INSYN2A: variants seen among roughly 807,000 people sequenced by gnomAD.
The protein encoded by INSYN2A is inhibitory synaptic factor 2A, also known as family with sequence similarity 196 member A.
In INSYN2A, 17 loss-of-function variants were observed where a neutral mutation model predicts 39.4. The ratio of observed to expected loss-of-function variants is 0.43; its 90% confidence interval spans 0.30 to 0.65. The LOEUF (loss-of-function observed/expected upper bound fraction) is 0.65. Among genes scored for constraint, INSYN2A ranks in the 30% least tolerant of loss-of-function variants. The pLI, the probability that INSYN2A is intolerant of heterozygous loss-of-function variation, is 0.14. For missense variants in INSYN2A, 595 were observed against 631.2 expected (o/e 0.94, Z 0.61); for synonymous variants, 255 against 265.7 (o/e 0.96, Z 0.39).
At chr10:127,179,814 G>A (rs1409729859) in intron 2 of INSYN2A, among the ~76,000 whole-genome samples, 5 of 152,200 alleles carry the variant, frequency 3.3e-5, no homozygotes, top group Non-Finnish European at 7.3e-5. Context: ...ACGTTACAGT[G>A]TAGCATTAAC....
chr10:127,175,725 A>T lies in INSYN2A; in HGVS notation c.671T>A (p.Leu224Gln). ...CCGGTCCTGCTTGGCCCTCCCGAGC[A>T]GCTGGTAATCGGGCTCTTCGGATGG... ...RPPSEEPDYQ[L>Q]LGRAKQDRGR... The change falls in exon 4 of 6, where the codon CTG becomes CAG. Residue 224 changes from leucine to glutamine, a missense_variant. Coordinates refer to ENST00000522781, the MANE Select transcript of INSYN2A (RefSeq NM_001039762.3). The surrounding 1 kb of genome is among the most constrained non-coding windows in gnomAD (Gnocchi z 6.3). 1 of 1,614,000 alleles carries T rather than the reference A, an allele frequency of 6.2e-7. No homozygotes were observed. The highest frequency in any genetic ancestry group is 8.5e-7 in the Non-Finnish European group (1 of 1,179,996).
intron 5 of INSYN2A, among the ~76,000 whole-genome samples, chr10:127,151,058 T>A (rs528420416): frequency 2.4e-4 from 36 of 152,346 alleles, no homozygotes; most frequent in Non-Finnish European, 5.9e-5. Context: ...CATTGATTGA[T>A]TTTTCAATTA....
At chr10:127,161,050 C>T (rs749676746) in intron 4 of INSYN2A, among the ~76,000 whole-genome samples, 17 of 152,170 alleles carry the variant, frequency 1.1e-4, no homozygotes, top group Non-Finnish European at 1.9e-4. Context: ...TTCAGTGATT[C>T]CCTCCTATGT....
At chr10:127,142,772 C>T (rs1198915289) in intron 5 of INSYN2A, among the ~76,000 whole-genome samples, 1 of 152,188 alleles carries the variant, frequency 6.6e-6, no homozygotes, top group East Asian at 1.9e-4. Context: ...GGGGCTGTGT[C>T]GCCCTCGCTG....
chr10:127,136,848 A>AGCATAACGAATTGT lies in INSYN2A; in HGVS notation c.*975_*988dup, dbSNP rs1156999676. 6.6e-6 allele frequency: 1 copy of AGCATAACGAATTGT among 152,540 alleles called. No homozygotes were observed. Among genetic ancestry groups the AGCATAACGAATTGT allele is most frequent in the African/African-American group, 2.4e-5 (1 of 41,406 alleles). The allele number at this position is 152,540 out of a possible 1,614,324, so 9.4% of individuals were successfully genotyped here. On this transcript the variant is annotated 3_prime_UTR_variant, in exon 6 of 6. Transcript: ENST00000522781. ...GTCAGGGCTTCCACCATTAATACAA[A>AGCATAACGAATTGT]GCATAACGAATTGTACATAACGTCT...
At position 127,138,085 on chromosome 10, in the gene INSYN2A, G is replaced by A. The variant is rs1217666031; in HGVS notation, c.1257-65C>T. The A allele has an allele frequency of 4.2e-6, 6 of 1,428,600 alleles. No individual in the cohort carries two copies. The East Asian group carries it at 1.1e-4, about 27-fold the overall frequency. 88.5% of individuals were successfully genotyped at this position (1,428,600 alleles called of 1,614,324 possible). The stretch of plus-strand genomic sequence containing the variant: ...TTTCCATATGAAGATCCCTCTTAGT[G>A]TCAGCAAGATTTGGGCATGATCAGT... On this transcript the variant is annotated intron_variant, in intron 5 of 5. Transcript: ENST00000522781.
intron 4 of INSYN2A, among the ~76,000 whole-genome samples, chr10:127,170,631 C>A (rs116967899): frequency 1.3e-5 from 2 of 152,310 alleles, no homozygotes; most frequent in East Asian, 3.9e-4. Context: ...AATGAGCCAC[C>A]AAGACCTACA....
At chr10:127,194,792 G>C (rs2483867) in intron 1 of INSYN2A, among the ~76,000 whole-genome samples, 124,031 of 152,128 alleles carry the variant, frequency 0.82, 51,057 homozygotes, top group South Asian at 0.92. Flanking sequence ...ATGATCGTTT[G>C]GCTTCCCAGC....
chr10:127,159,618 A>G (rs951811868), intron 4 of INSYN2A, among the ~76,000 whole-genome samples: 4 of 152,156 alleles, frequency 2.6e-5, no homozygotes, highest in Admixed American at 6.5e-5. Flanking sequence ...GAGGGAATAT[A>G]TGCACCTTTG....
chr10:127,184,332 C>T (rs565116770), intron 2 of INSYN2A, among the ~76,000 whole-genome samples: 12 of 150,174 alleles, frequency 8.0e-5, no homozygotes, highest in Admixed American at 3.3e-4. Flanking sequence ...AGTCTAATCC[C>T]CCAAATCAGT....
At chr10:127,186,250 C>T (rs903725580) in intron 2 of INSYN2A, among the ~76,000 whole-genome samples, 4 of 152,120 alleles carry the variant, frequency 2.6e-5, no homozygotes, top group South Asian at 2.1e-4. Flanking sequence ...AGGTGTTTAA[C>T]GGACTCTCCG....
At chr10:127,139,839 C>G (rs768004921) in intron 5 of INSYN2A, among the ~76,000 whole-genome samples, 19 of 152,114 alleles carry the variant, frequency 1.2e-4, no homozygotes, top group Non-Finnish European at 2.4e-4. Context: ...GAACGAGCCT[C>G]CTAAACTGTA....
chr10:127,168,078 G>A (rs566839324), intron 4 of INSYN2A, among the ~76,000 whole-genome samples: 1 of 152,280 alleles, frequency 6.6e-6, no homozygotes, highest in South Asian at 2.1e-4. Flanking sequence ...GAGAAAAGCT[G>A]AGGTCCAGAG....
intron 4 of INSYN2A, among the ~76,000 whole-genome samples, chr10:127,158,307 A>G (rs189236559): frequency 3.3e-5 from 5 of 152,376 alleles, no homozygotes; most frequent in Admixed American, 2.6e-4. Context: ...CTGCTAGAGC[A>G]GATTCTTCTC....
chr10:127,164,160 T>C (rs1448436213), intron 4 of INSYN2A, among the ~76,000 whole-genome samples: 2 of 814 alleles, frequency 2.5e-3, no homozygotes, highest in East Asian at 0.038. Context: ...ATTTGCCTCC[T>C]TTTTTTTTTT....
chr10:127,175,142 T>C lies in INSYN2A; in HGVS notation c.1184+70A>G. 8.9e-6 allele frequency: 12 copies of C among 1,345,988 alleles called. No individual in the cohort carries two copies. The highest frequency in any genetic ancestry group is 1.0e-5 in the Non-Finnish European group (10 of 965,760). 83.4% of individuals were successfully genotyped at this position (1,345,988 alleles called of 1,614,324 possible). ...CTTTAGTCTCATTACAGACTTGGGT[T>C]TGGGGCTACAGATGGACTCTGTGGT... On this transcript the variant is annotated intron_variant, in intron 4 of 5. Coordinates refer to ENST00000522781, the MANE Select transcript of INSYN2A (RefSeq NM_001039762.3). The surrounding 1 kb of genome is among the most constrained non-coding windows in gnomAD (Gnocchi z 6.3).
intron 4 of INSYN2A, among the ~76,000 whole-genome samples, chr10:127,158,851 T>G (rs1273931283): frequency 6.6e-6 from 1 of 152,166 alleles, no homozygotes; most frequent in Admixed American, 6.5e-5. Context: ...AAACATCGCA[T>G]TCAGCACCAG....
At chr10:127,178,864 T>G (rs571362450) in intron 2 of INSYN2A, among the ~76,000 whole-genome samples, 325 of 152,238 alleles carry the variant, frequency 2.1e-3, no homozygotes, top group Middle Eastern at 0.017. Context: ...CCCAGCAGGT[T>G]AAACAGATGC....
chr10:127,157,591 G>A (rs1360382899), intron 4 of INSYN2A, among the ~76,000 whole-genome samples: 1 of 152,200 alleles, frequency 6.6e-6, no homozygotes, highest in African/African-American at 2.4e-5. Flanking sequence ...CTGAGAAATG[G>A]TTTGGCTGAC....
Sources: gnomAD v4.1 joint callset for allele counts (sites outside exome capture counted in the v4.1 genomes callset) on GRCh38, gnomAD v4.1.1 for gene constraint, Gnocchi (gnomAD v3.1) non-coding constraint, MANE v1.5 for transcripts, NCBI Gene and HGNC (gene_info 2026-07-23, HGNC 2026-07-21) for gene names.